The following FUT8 variants were observed in gnomAD, a reference collection of about 807,000 sequenced individuals.
The protein encoded by FUT8 is fucosyltransferase 8.
FUT8 carries 29 observed loss-of-function variants against 71.3 expected under a neutral mutation model. The ratio of observed to expected loss-of-function variants is 0.41; its 90% CI spans 0.30 to 0.55. The LOEUF (loss-of-function observed/expected upper bound fraction) is 0.55, where lower values mean the gene tolerates loss of function less well. FUT8 is among the 20% of genes least tolerant of loss of function. FUT8 has a pLI of 0.34. For missense variants in FUT8, 544 were observed against 702.1 expected (o/e 0.77, Z 2.55); for synonymous variants, 254 against 239.3 (o/e 1.06, Z -0.57).
chr14:65,569,135 C>CT (rs966424475), intron 3 of FUT8, among the ~76,000 whole-genome samples: 21 of 146,558 alleles, frequency 1.4e-4, no homozygotes, highest in East Asian at 1.4e-3. Flanking sequence ...GCTGAGTTTA[C>CT]TTTTTTTTTT....
At chr14:65,495,993 A>G (rs374461034) in intron 2 of FUT8, among the ~76,000 whole-genome samples, 6 of 152,280 alleles carry the variant, frequency 3.9e-5, no homozygotes. Context: ...GACACAAAAA[A>G]TTAATCATTA....
chr14:65,632,258 G>C (rs1173522687), intron 6 of FUT8, among the ~76,000 whole-genome samples: 1 of 152,184 alleles, frequency 6.6e-6, no homozygotes, highest in Non-Finnish European at 1.5e-5. Context: ...GGGATTGCTG[G>C]ATCAAATGGT....
At chr14:65,398,816 G>T in the FUT8 span, among the ~76,000 whole-genome samples, 2 of 152,062 alleles carry the variant, frequency 1.3e-5, no homozygotes, top group Admixed American at 1.3e-4. Context: ...TGTTTCATCT[G>T]CATGTGACAC....
chr14:65,731,465 C>A (rs555422012), intron 9 of FUT8, among the ~76,000 whole-genome samples: 1 of 152,278 alleles, frequency 6.6e-6, no homozygotes, highest in Admixed American at 6.5e-5. Flanking sequence ...TACTTGAGGG[C>A]AAAAGACAAG....
chr14:65,555,314 C>A (rs1012678543), intron 2 of FUT8, among the ~76,000 whole-genome samples: 1 of 151,854 alleles, frequency 6.6e-6, no homozygotes, highest in Non-Finnish European at 1.5e-5. Context: ...TTTTATTGTA[C>A]CTGGTTGGAA....
intron 3 of FUT8, among the ~76,000 whole-genome samples, chr14:65,569,665 A>G (rs1886375777): frequency 6.6e-6 from 1 of 151,314 alleles, no homozygotes; most frequent in East Asian, 1.9e-4. Flanking sequence ...ATTTTCTCCT[A>G]ATTTCTATTT....
In FUT8 at chr14:65,413,647, C is replaced by T. The variant is rs76583746; in HGVS notation, c.-326+433C>T. On this transcript the variant is annotated intron_variant, in intron 1 of 10. Coordinates refer to ENST00000673929, the MANE Select transcript of FUT8 (RefSeq NM_001371533.1). The surrounding 1 kb of genome is among the most constrained non-coding windows in gnomAD (Gnocchi z 4.1). The stretch of plus-strand genomic sequence containing the variant: ...CGCGGTTTGTGGGGAGGAAGATGCC[C>T]GTGCGTTATGGGCTCTTTCTGAGTG... 0.017 allele frequency among the ~76,000 whole-genome samples: 2,653 copies of T among 152,262 alleles called. 76 individuals are homozygous for T. Among genetic ancestry groups the T allele is most frequent in the African/African-American group, 0.061 (2,517 of 41,536 alleles).
intron 2 of FUT8, among the ~76,000 whole-genome samples, chr14:65,528,162 G>A (rs2411816): frequency 0.35 from 53,374 of 152,172 alleles, 11,639 homozygotes; most frequent in Non-Finnish European, 0.49. Context: ...GTCTGCAGAG[G>A]CAGGCAGGCC....
At chr14:65,729,294 G>T (rs1004214408) in intron 9 of FUT8, among the ~76,000 whole-genome samples, 1 of 151,982 alleles carries the variant, frequency 6.6e-6, no homozygotes, top group Non-Finnish European at 1.5e-5. Context: ...CGGGATTACT[G>T]TCGTGAGCCA....
intron 3 of FUT8, among the ~76,000 whole-genome samples, chr14:65,609,557 A>T (rs1888768487): frequency 6.6e-6 from 1 of 151,904 alleles, no homozygotes; most frequent in East Asian, 1.9e-4. Flanking sequence ...TTGAGTGTCC[A>T]TTTATGTGTG....
At chr14:65,439,954 G>GTGTGTATATATATATATATA in intron 1 of FUT8, among the ~76,000 whole-genome samples, 28 of 74,950 alleles carry the variant, frequency 3.7e-4, no homozygotes, top group East Asian at 1.2e-3. Flanking sequence ...GTGTGTGTGT[G>GTGTGTATATATATATATATA]TATATATATA....
At chr14:65,654,902 T>G (rs939424148) in intron 6 of FUT8, among the ~76,000 whole-genome samples, 11 of 151,884 alleles carry the variant, frequency 7.2e-5, no homozygotes, top group African/African-American at 2.7e-4. Flanking sequence ...GGTGTTTTTT[T>G]GTTTTTGTTT....
intron 2 of FUT8, among the ~76,000 whole-genome samples, chr14:65,537,375 GATT>G (rs1259953784): frequency 2.6e-5 from 4 of 151,210 alleles, no homozygotes; most frequent in Non-Finnish European, 4.4e-5. Flanking sequence ...TTATTACTAT[GATT>G]ATTATTATTA....
chr14:65,431,470 C>T (rs1387960304), intron 1 of FUT8, among the ~76,000 whole-genome samples: 3 of 151,790 alleles, frequency 2.0e-5, no homozygotes, highest in South Asian at 4.2e-4. Flanking sequence ...TCACCATACC[C>T]GGCTTTTTTT....
chr14:65,526,108 G>A (rs570545252), intron 2 of FUT8, among the ~76,000 whole-genome samples: 1 of 152,120 alleles, frequency 6.6e-6, no homozygotes, highest in African/African-American at 2.4e-5. Flanking sequence ...TTCAATTCCT[G>A]GATATCCTTG....
chr14:65,653,224 CTATT>C (rs1011019376), intron 6 of FUT8, among the ~76,000 whole-genome samples: 7 of 151,992 alleles, frequency 4.6e-5, no homozygotes, highest in Non-Finnish European at 8.8e-5. Context: ...ATTGCCAGGG[CTATT>C]TATTTATTTA....
At position 65,550,308 on chromosome 14, in the gene FUT8, T is replaced by C. The variant is rs1477482827; in HGVS notation, c.-227-11029T>C. On this transcript the variant is annotated intron_variant, in intron 2 of 10. Transcript: ENST00000673929. The surrounding 1 kb of genome is among the most constrained non-coding windows in gnomAD (Gnocchi z 4.5). ...ATGAACCCATCATAAGTTGAAAGTA[T>C]CATGAGTCGCAATATGTTTAATACA... Among the ~76,000 whole-genome samples the C allele has an allele frequency of 6.6e-6, 1 of 152,148 alleles. No individual in the cohort carries two copies. Among genetic ancestry groups the C allele is most frequent in the Non-Finnish European group, 1.5e-5 (1 of 68,038 alleles).
intron 2 of FUT8, among the ~76,000 whole-genome samples, chr14:65,492,865 A>C (rs537722821): frequency 1.3e-5 from 2 of 152,250 alleles, no homozygotes; most frequent in African/African-American, 4.8e-5. Flanking sequence ...CTTGTTTACC[A>C]CAAGTGGCAA....
chr14:65,421,906 C>T (rs1034496611), intron 1 of FUT8, among the ~76,000 whole-genome samples: 2 of 152,042 alleles, frequency 1.3e-5, no homozygotes, highest in South Asian at 4.1e-4. Context: ...TCCATAACAA[C>T]GACGGCTTCT....
Sources: gnomAD v4.1 joint callset for allele counts (sites outside exome capture counted in the v4.1 genomes callset) on GRCh38, gnomAD v4.1.1 for gene constraint, Gnocchi (gnomAD v3.1) non-coding constraint, MANE v1.5 for transcripts, NCBI Gene and HGNC (gene_info 2026-07-23, HGNC 2026-07-21) for gene names.